The following STK32B variants were observed in gnomAD, a reference collection of about 807,000 sequenced individuals.
The protein encoded by STK32B is serine/threonine-protein kinase 32B.
Under a neutral mutation model 52.6 loss-of-function variants are expected in STK32B, and 43 were observed. The ratio of observed to expected loss-of-function variants is 0.82; its 90% CI spans 0.64 to 1.05. STK32B has a LOEUF of 1.05. Among genes scored for constraint, STK32B ranks in the 50% least tolerant of loss-of-function variants. The pLI is 0.00. For synonymous variants in STK32B, 238 were observed against 204.3 expected, an observed-to-expected ratio of 1.17 and a Z score of -1.41; for missense variants, 621 against 534.6, an observed-to-expected ratio of 1.16 and a Z score of -1.59.
intron 1 of STK32B, among the ~76,000 whole-genome samples, chr4:5,137,201 A>T (rs1001884760): frequency 6.6e-6 from 1 of 152,200 alleles, no homozygotes. Context: ...GGCAGTAATC[A>T]TGCACTCCCT....
intron 4 of STK32B, among the ~76,000 whole-genome samples, chr4:5,379,735 C>T (rs894958155): frequency 2.6e-5 from 4 of 152,156 alleles, no homozygotes; most frequent in African/African-American, 9.7e-5. Context: ...AGATGGCCAC[C>T]TGCAAGTCAA....
intron 4 of STK32B, among the ~76,000 whole-genome samples, chr4:5,361,394 A>G (rs980808624): frequency 6.6e-6 from 1 of 151,904 alleles, no homozygotes; most frequent in African/African-American, 2.4e-5. Context: ...TTTATTTTTG[A>G]TTTTATTTAT....
At chr4:5,484,900 A>T (rs980172304) in intron 11 of STK32B, among the ~76,000 whole-genome samples, 4 of 152,144 alleles carry the variant, frequency 2.6e-5, no homozygotes, top group Non-Finnish European at 5.9e-5. Flanking sequence ...TTTCTTTAAG[A>T]ATGTTGATTA....
At chr4:5,330,998 G>T (rs1017750207) in intron 3 of STK32B, among the ~76,000 whole-genome samples, 1 of 152,086 alleles carries the variant, frequency 6.6e-6, no homozygotes, top group Non-Finnish European at 1.5e-5. Context: ...ACTCCTGCTT[G>T]CCTTTGCTAT....
At chr4:5,209,952 C>G (rs564903675) in intron 3 of STK32B, among the ~76,000 whole-genome samples, 7 of 152,158 alleles carry the variant, frequency 4.6e-5, no homozygotes, top group Non-Finnish European at 8.8e-5. Context: ...TTTCCTGTTG[C>G]TGACACAGGG....
chr4:5,135,713 C>T (rs1479128519), intron 1 of STK32B, among the ~76,000 whole-genome samples: 1 of 152,164 alleles, frequency 6.6e-6, no homozygotes, highest in African/African-American at 2.4e-5. Flanking sequence ...ATGGTTGTTG[C>T]AGCTCCAGAT....
Position 5,410,898 on chromosome 4 carries a change from G to A in STK32B, c.473-5947G>A, listed in dbSNP as rs552134057. Among the ~76,000 whole-genome samples, 713 of 152,300 alleles carry A rather than the reference G, an allele frequency of 4.7e-3. 1 individual carries two copies. The highest frequency in any genetic ancestry group is 0.017 in the African/African-American group (686 of 41,558). On this transcript the variant is annotated intron_variant, in intron 5 of 11. Coordinates refer to ENST00000282908, the MANE Select transcript of STK32B (RefSeq NM_018401.3). ...ATCGTGGGCAGATTCAGTGTCTGGT[G>A]AGGGCTGCTCTCTGCTTCCAAGTTG...
At chr4:5,092,546 A>G (rs1045814818) in intron 1 of STK32B, among the ~76,000 whole-genome samples, 1 of 152,062 alleles carries the variant, frequency 6.6e-6, no homozygotes, top group Non-Finnish European at 1.5e-5. Flanking sequence ...AAAAAAAAAA[A>G]AAAAGAAGAA....
At chr4:5,207,425 C>T (rs987964779) in intron 3 of STK32B, among the ~76,000 whole-genome samples, 4 of 152,084 alleles carry the variant, frequency 2.6e-5, no homozygotes, top group African/African-American at 7.2e-5. Flanking sequence ...CACGTGCTCT[C>T]TTGCCTGCCA....
At chr4:5,285,403 G>C (rs1032984510) in intron 3 of STK32B, among the ~76,000 whole-genome samples, 9 of 152,090 alleles carry the variant, frequency 5.9e-5, no homozygotes, top group African/African-American at 1.9e-4. Context: ...ATCTCAGTTT[G>C]AATATTTTAA....
At chr4:5,389,860 G>T (rs1375696261) in intron 4 of STK32B, among the ~76,000 whole-genome samples, 1 of 152,174 alleles carries the variant, frequency 6.6e-6, no homozygotes, top group South Asian at 2.1e-4. Context: ...TATCCAGGTG[G>T]GCCCAATGGA....
chr4:5,454,459 A>G (rs1414034669), intron 7 of STK32B, among the ~76,000 whole-genome samples: 1 of 152,000 alleles, frequency 6.6e-6, no homozygotes, highest in Non-Finnish European at 1.5e-5. Flanking sequence ...TGTGCCATAA[A>G]GTCCCCCTTT....
chr4:5,451,816 G>A (rs1420708653), intron 7 of STK32B, among the ~76,000 whole-genome samples: 2 of 152,190 alleles, frequency 1.3e-5, no homozygotes, highest in Non-Finnish European at 2.9e-5. Context: ...GTCCCTGATT[G>A]AGAACCACTG....
At chr4:5,268,857 G>T (rs532463088) in intron 3 of STK32B, among the ~76,000 whole-genome samples, 1 of 151,928 alleles carries the variant, frequency 6.6e-6, no homozygotes, top group Admixed American at 6.6e-5. Context: ...CAAAAAAGGG[G>T]GAAAAAACAA....
chr4:5,493,929 C>T (rs560058097), intron 11 of STK32B, among the ~76,000 whole-genome samples: 2 of 152,276 alleles, frequency 1.3e-5, no homozygotes, highest in South Asian at 2.1e-4. Context: ...TTTGATAGCA[C>T]TGTGGTCTGA....
intron 3 of STK32B, among the ~76,000 whole-genome samples, chr4:5,169,115 A>G (rs1314962560): frequency 6.6e-6 from 1 of 152,162 alleles, no homozygotes; most frequent in African/African-American, 2.4e-5. Flanking sequence ...GGAAACCCTT[A>G]GGTCAAGAGC....
chr4:5,071,122 G>A (rs1278151522), intron 1 of STK32B, among the ~76,000 whole-genome samples: 1 of 152,162 alleles, frequency 6.6e-6, no homozygotes, highest in Admixed American at 6.5e-5. Flanking sequence ...TAGAAGACGA[G>A]GAGACACTTA....
At chr4:5,205,460 G>A (rs1337676064) in intron 3 of STK32B, among the ~76,000 whole-genome samples, 1 of 152,206 alleles carries the variant, frequency 6.6e-6, no homozygotes, top group Non-Finnish European at 1.5e-5. Context: ...GCAAGGTCCA[G>A]GGCACACAGA....
At chr4:5,221,910 C>A (rs954503415) in intron 3 of STK32B, among the ~76,000 whole-genome samples, 4 of 151,394 alleles carry the variant, frequency 2.6e-5, no homozygotes, top group Admixed American at 2.6e-4. Flanking sequence ...TTAAGTGGAG[C>A]CTTTAAGAGA....
Sources: gnomAD v4.1 joint callset for allele counts (sites outside exome capture counted in the v4.1 genomes callset) on GRCh38, gnomAD v4.1.1 for gene constraint, MANE v1.5 for transcripts, NCBI Gene and HGNC (gene_info 2026-07-23, HGNC 2026-07-21) for gene names.